Variants in NXPE4 observed in about 807,000 individuals in gnomAD.
NXPE4 encodes NXPE family member 4.
Under a neutral mutation model 33.3 loss-of-function variants are expected in NXPE4, and 42 were observed. That is an observed-to-expected ratio of 1.26 (90% CI 0.98 to 1.63). The LOEUF (loss-of-function observed/expected upper bound fraction) is 1.63. Ranked by LOEUF, NXPE4 falls within the 40% of genes most tolerant of loss-of-function variation. NXPE4 has a pLI of 0.00. For synonymous variants in NXPE4, 253 were observed against 234.9 expected (o/e 1.08, Z -0.71); for missense variants, 709 against 647.6 (o/e 1.09, Z -1.03).
intron 2 of NXPE4, among the ~76,000 whole-genome samples, chr11:114,592,530 C>T (rs1213928593): frequency 6.6e-6 from 1 of 151,486 alleles, no homozygotes; most frequent in Admixed American, 6.6e-5. Flanking sequence ...CACACACACA[C>T]TCACACACAC....
At chr11:114,611,286 T>C in the NXPE4 span, among the ~76,000 whole-genome samples, 1 of 151,758 alleles carries the variant, frequency 6.6e-6, no homozygotes, top group Non-Finnish European at 1.5e-5. Context: ...CTGTCGATAA[T>C]AAGTGTTGCC....
At chr11:114,612,375 C>G in the NXPE4 span, among the ~76,000 whole-genome samples, 2 of 144,068 alleles carry the variant, frequency 1.4e-5, no homozygotes, top group East Asian at 4.4e-4. Context: ...ACCCGATGGA[C>G]AATAAGTATT....
At chr11:114,607,737 G>A in the NXPE4 span, among the ~76,000 whole-genome samples, 5 of 151,978 alleles carry the variant, frequency 3.3e-5, no homozygotes, top group African/African-American at 1.2e-4. Context: ...GGTAACCACA[G>A]TTGCCCGGTG....
chr11:114,590,593 A>G (rs1289411668), intron 2 of NXPE4, among the ~76,000 whole-genome samples: 1 of 152,212 alleles, frequency 6.6e-6, no homozygotes, highest in East Asian at 1.9e-4. Context: ...TTAAGGTACC[A>G]GCCCTCAGCC....
chr11:114,640,178 T>C, the NXPE4 span, among the ~76,000 whole-genome samples: 1 of 134,652 alleles, frequency 7.4e-6, no homozygotes, highest in African/African-American at 2.7e-5. Flanking sequence ...AAATAATTTA[T>C]ATATTATATA....
At chr11:114,613,869 C>A in the NXPE4 span, among the ~76,000 whole-genome samples, 1 of 151,986 alleles carries the variant, frequency 6.6e-6, no homozygotes, top group Non-Finnish European at 1.5e-5. Flanking sequence ...TAGGTAACCA[C>A]TTTTGCCCTG....
At chr11:114,666,917 T>C in the NXPE4 span, among the ~76,000 whole-genome samples, 2 of 152,154 alleles carry the variant, frequency 1.3e-5, no homozygotes, top group East Asian at 1.9e-4. Context: ...ATAGCATATA[T>C]ACATAAAAAA....
chr11:114,643,774 G>GTT, the NXPE4 span, among the ~76,000 whole-genome samples: 1 of 149,274 alleles, frequency 6.7e-6, no homozygotes, highest in Non-Finnish European at 1.5e-5. Context: ...ACTTAAAGTA[G>GTT]TTTTTTTTTT....
the NXPE4 span, among the ~76,000 whole-genome samples, chr11:114,607,978 G>A: frequency 1.3e-5 from 2 of 151,718 alleles, no homozygotes; most frequent in Non-Finnish European, 2.9e-5. Context: ...GTTGCCTCGT[G>A]AGTCACCGCT....
chr11:114,592,227 T>G (rs1362504235), intron 2 of NXPE4, among the ~76,000 whole-genome samples: 1 of 152,090 alleles, frequency 6.6e-6, no homozygotes, highest in African/African-American at 2.4e-5. Context: ...AGAAGGAAAT[T>G]AAATTGTCCC....
At chr11:114,651,503 A>G in the NXPE4 span, among the ~76,000 whole-genome samples, 5 of 152,192 alleles carry the variant, frequency 3.3e-5, no homozygotes. Context: ...GAGCAAAAGA[A>G]CAAACCTGCC....
the NXPE4 span, among the ~76,000 whole-genome samples, chr11:114,633,213 A>G: frequency 1.5e-5 from 2 of 132,586 alleles, no homozygotes; most frequent in Non-Finnish European, 3.1e-5. Flanking sequence ...CATGTATATT[A>G]CATTATATAT....
chr11:114,584,259 A>G (rs565527065), intron 2 of NXPE4: 1 of 483,588 alleles, frequency 2.1e-6, no homozygotes, highest in African/African-American at 2.0e-5. Context: ...ATTACTTTGA[A>G]TACTTTGGAC....
chr11:114,574,374 G>A (rs1358680629), intron 5 of NXPE4, among the ~76,000 whole-genome samples: 2 of 151,794 alleles, frequency 1.3e-5, no homozygotes, highest in Non-Finnish European at 2.9e-5. Flanking sequence ...AGAAGTAAAT[G>A]AAACTGAAAC....
the NXPE4 span, among the ~76,000 whole-genome samples, chr11:114,618,240 T>C: frequency 6.6e-6 from 1 of 151,210 alleles, no homozygotes. Context: ...ATAAGGATTG[T>C]CTTATGGGTA....
chr11:114,674,908 A>G, the NXPE4 span, among the ~76,000 whole-genome samples: 1 of 151,866 alleles, frequency 6.6e-6, no homozygotes, highest in Non-Finnish European at 1.5e-5. Flanking sequence ...CCAAAACAAA[A>G]TACTAGCAAA....
chr11:114,603,678 A>G, the NXPE4 span, among the ~76,000 whole-genome samples: 3 of 151,290 alleles, frequency 2.0e-5, no homozygotes, highest in South Asian at 6.3e-4. Flanking sequence ...CTCTTGGGTA[A>G]CTCCTATTAC....
intron 2 of NXPE4, among the ~76,000 whole-genome samples, chr11:114,592,410 A>T (rs1949476879): frequency 6.6e-6 from 1 of 152,086 alleles, no homozygotes; most frequent in Non-Finnish European, 1.5e-5. Context: ...TCAAAAAAGC[A>T]ATTTCATTTA....
chr11:114,634,483 C>A, the NXPE4 span, among the ~76,000 whole-genome samples: 11 of 152,074 alleles, frequency 7.2e-5, no homozygotes, highest in Non-Finnish European at 1.6e-4. Flanking sequence ...TCCCACTTGT[C>A]AATTTTGGCT....
Sources: allele counts gnomAD v4.1 joint callset (sites outside exome capture counted in the v4.1 genomes callset), GRCh38; gene constraint gnomAD v4.1.1; transcripts MANE v1.5; gene names NCBI Gene and HGNC (gene_info 2026-07-23, HGNC 2026-07-21).